Variants in ATG4C observed in about 807,000 individuals in gnomAD.
ATG4C encodes cysteine protease ATG4C.
A neutral mutation model predicts 57.6 loss-of-function variants in ATG4C; 56 were observed. The ratio of observed to expected loss-of-function variants is 0.97; its 90% CI spans 0.78 to 1.21. The LOEUF (loss-of-function observed/expected upper bound fraction) is 1.21, where lower values mean the gene tolerates loss of function less well. ATG4C is among the 50% of genes most tolerant of loss of function. The pLI, the probability that ATG4C is intolerant of heterozygous loss-of-function variation, is 0.00. For missense variants in ATG4C, 595 were observed against 529.8 expected, an observed-to-expected ratio of 1.12 and a Z score of -1.21; for synonymous variants, 157 against 174.1, an observed-to-expected ratio of 0.90 and a Z score of 0.78.
At chr1:62,823,972 T>A (rs1665566938) in intron 6 of ATG4C, among the ~76,000 whole-genome samples, 1 of 152,204 alleles carries the variant, frequency 6.6e-6, no homozygotes, top group African/African-American at 2.4e-5. Context: ...ATTGAACTTA[T>A]AATTCACTTG....
chr1:62,817,051 T>C (rs1033529107), intron 4 of ATG4C, among the ~76,000 whole-genome samples: 3 of 152,162 alleles, frequency 2.0e-5, no homozygotes, highest in Admixed American at 6.6e-5. Context: ...ATACCTGTTA[T>C]TCTTGGTCAC....
chr1:62,830,892 T>G (rs1665818739), intron 7 of ATG4C, among the ~76,000 whole-genome samples: 1 of 152,142 alleles, frequency 6.6e-6, no homozygotes, highest in Admixed American at 6.6e-5. Context: ...TACTTTTCAA[T>G]GTAAATTTAT....
At chr1:62,857,585 T>A (rs1438615476) in intron 10 of ATG4C, among the ~76,000 whole-genome samples, 1 of 152,014 alleles carries the variant, frequency 6.6e-6, no homozygotes, top group Admixed American at 6.6e-5. Context: ...ACCCCCCCAG[T>A]CCGTGGAGAA....
chr1:62,845,196 C>T (rs951088005), intron 10 of ATG4C, among the ~76,000 whole-genome samples: 1 of 151,758 alleles, frequency 6.6e-6, no homozygotes, highest in Non-Finnish European at 1.5e-5. Context: ...GTTAAATACT[C>T]TCCAGAGTGA....
intron 9 of ATG4C, among the ~76,000 whole-genome samples, chr1:62,836,535 A>G (rs1666004432): frequency 6.6e-6 from 1 of 152,104 alleles, no homozygotes; most frequent in South Asian, 2.1e-4. Flanking sequence ...TTGTAGAGGA[A>G]TAAAATTTCA....
chr1:62,851,123 A>G (rs565750910), intron 10 of ATG4C, among the ~76,000 whole-genome samples: 23 of 151,938 alleles, frequency 1.5e-4, no homozygotes, highest in African/African-American at 4.8e-4. Context: ...GTTAGTAAAG[A>G]GGTCAGTGAT....
chr1:62,816,819 T>A lies in ATG4C; in HGVS notation c.394+11T>A. On this transcript the variant is annotated intron_variant, in intron 4 of 10. Coordinates refer to ENST00000317868, the MANE Select transcript of ATG4C (RefSeq NM_032852.4). ...ACTTTCTTGGTAGAGGTAAATCAAA[T>A]TTCTGTTTTTGTTTTGTTTTGTTTT... 6.7e-7 allele frequency: 1 copy of A among 1,498,718 alleles called. No homozygotes were observed. 92.8% of individuals were successfully genotyped at this position (1,498,718 alleles called of 1,614,324 possible). A position where few individuals can be genotyped will look rare whatever the true frequency, so the allele number is the denominator to read the frequency against.
chr1:62,857,315 C>G (rs964902141), intron 10 of ATG4C, among the ~76,000 whole-genome samples: 1 of 152,058 alleles, frequency 6.6e-6, no homozygotes, highest in African/African-American at 2.4e-5. Context: ...GAGTGTGAAC[C>G]CTATTGTGAA....
At chr1:62,807,040 G>A (rs1357563975) in intron 3 of ATG4C, among the ~76,000 whole-genome samples, 1 of 152,164 alleles carries the variant, frequency 6.6e-6, no homozygotes, top group African/African-American at 2.4e-5. Flanking sequence ...GCAATGAAAT[G>A]AAAAATTTCA....
intron 6 of ATG4C, among the ~76,000 whole-genome samples, chr1:62,822,971 A>G (rs745758143): frequency 4.6e-5 from 7 of 152,182 alleles, no homozygotes; most frequent in East Asian, 1.9e-4. Flanking sequence ...CCTGGGCAGC[A>G]TGGTGAAACC....
intron 1 of ATG4C, among the ~76,000 whole-genome samples, chr1:62,794,253 A>C (rs1302607815): frequency 2.6e-5 from 4 of 152,238 alleles, no homozygotes; most frequent in African/African-American, 4.8e-5. Context: ...GGTTTTTGCC[A>C]CAAGCCAGGT....
Position 62,834,828 on chromosome 1 carries a change from C to A in ATG4C, c.1065C>A (p.Val355=). 1 of 1,612,094 alleles carries A rather than the reference C, an allele frequency of 6.2e-7. No homozygotes were observed. The highest frequency in any genetic ancestry group is 1.1e-5 in the South Asian group (1 of 90,972). ...DPHYCQSFVD[V]SIKDFPLETF... is the part of the protein sequence containing the mutation. ...ATTACTGCCAATCTTTTGTAGATGT[C>A]AGCATAAAGGATTTCCCTCTTGAGG... The change falls in exon 9 of 11, where the codon GTC becomes GTA. Residue 355 remains valine (V), a synonymous_variant. Coordinates refer to ENST00000317868, the MANE Select transcript of ATG4C (RefSeq NM_032852.4).
rs746326307 is a variant in ATG4C at position 62,819,173 on chromosome 1, A to T, written c.563A>T (p.Asp188Val). 4 of 1,613,560 alleles carry T rather than the reference A, an allele frequency of 2.5e-6. No individual in the cohort carries two copies. The highest frequency in any genetic ancestry group is 3.4e-6 in the Non-Finnish European group (4 of 1,179,714). The change falls in exon 5 of 11, where the codon GAT becomes GTT. Residue 188 changes from aspartate to valine, a missense_variant. Physicochemically the swap from Asp to Val is radical, Grantham distance 152. Coordinates refer to ENST00000317868, the MANE Select transcript of ATG4C (RefSeq NM_032852.4). ...LKETIGKYSD[D>V]HEMRNEVYHR... ...GAAACAATTGGGAAATATTCTGATG[A>T]TCATGAAATGCGAAATGAAGTTTAT...
intron 3 of ATG4C, among the ~76,000 whole-genome samples, chr1:62,813,038 C>T (rs1335687531): frequency 2.0e-5 from 3 of 152,158 alleles, no homozygotes; most frequent in African/African-American, 7.2e-5. Flanking sequence ...TGAAAATGGC[C>T]ATACTGCCCA....
intron 9 of ATG4C, among the ~76,000 whole-genome samples, chr1:62,836,163 G>T (rs1022577358): frequency 2.6e-5 from 4 of 152,072 alleles, no homozygotes; most frequent in Admixed American, 2.0e-4. Flanking sequence ...ATCAAAATTA[G>T]AAAGGCTTCA....
At chr1:62,850,842 G>GTGTGTA (rs1342502076) in intron 10 of ATG4C, among the ~76,000 whole-genome samples, 2 of 53,042 alleles carry the variant, frequency 3.8e-5, no homozygotes, top group Non-Finnish European at 7.5e-5. Flanking sequence ...GTATGTATGT[G>GTGTGTA]TGTGTATGTA....
chr1:62,856,718 A>C (rs1371757276), intron 10 of ATG4C, among the ~76,000 whole-genome samples: 1 of 152,194 alleles, frequency 6.6e-6, no homozygotes, highest in African/African-American at 2.4e-5. Context: ...AGAGTGAGAT[A>C]GTTGTCAGTG....
chr1:62,834,845 C>A lies in ATG4C; in HGVS notation c.1082C>A (p.Pro361His). 6.2e-7 allele frequency: 1 copy of A among 1,611,230 alleles called. No homozygotes were observed. The highest frequency in any genetic ancestry group is 8.5e-7 in the Non-Finnish European group (1 of 1,178,000). The change falls in exon 9 of 11, where the codon CCT becomes CAT. Residue 361 changes from proline to histidine, a missense_variant. Coordinates refer to ENST00000317868, the MANE Select transcript of ATG4C (RefSeq NM_032852.4). ...SFVDVSIKDF[P>H]LETFHCPSPK... ...GTAGATGTCAGCATAAAGGATTTCC[C>A]TCTTGAGGTACTGTGGATAAAAAGC...
chr1:62,824,340 G>C (rs1351163417), intron 6 of ATG4C, among the ~76,000 whole-genome samples: 1 of 152,070 alleles, frequency 6.6e-6, no homozygotes, highest in Non-Finnish European at 1.5e-5. Flanking sequence ...TTGTAGCTTT[G>C]GTTTCAATTG....
Sources: gnomAD v4.1 joint callset for allele counts (sites outside exome capture counted in the v4.1 genomes callset) on GRCh38, gnomAD v4.1.1 for gene constraint, MANE v1.5 for transcripts, NCBI Gene and HGNC (gene_info 2026-07-23, HGNC 2026-07-21) for gene names.